The following ARHGEF39 variants were observed in gnomAD, a reference collection of about 807,000 sequenced individuals.
ARHGEF39 encodes Rho guanine nucleotide exchange factor 39.
A neutral mutation model predicts 47.5 loss-of-function variants in ARHGEF39; 45 were observed. The ratio of observed to expected loss-of-function variants is 0.95; its 90% confidence interval spans 0.75 to 1.22. The LOEUF (loss-of-function observed/expected upper bound fraction) is 1.22, where lower values mean the gene tolerates loss of function less well. Among genes scored for constraint, ARHGEF39 ranks in the 50% most tolerant of loss-of-function variants. The pLI, the probability that ARHGEF39 is intolerant of heterozygous loss-of-function variation, is 0.00. For missense variants in ARHGEF39, 411 were observed against 425.3 expected, an observed-to-expected ratio of 0.97 and a Z score of 0.30; for synonymous variants, 164 against 167.8, an observed-to-expected ratio of 0.98 and a Z score of 0.17.
At chr9:35,664,686 T>C in intron 2 of ARHGEF39, 70 bp downstream of exon 2, 1 of 1,527,760 alleles carries the variant, frequency 6.5e-7, no homozygotes, top group African/African-American at 1.4e-5. Flanking sequence ...TAAGTCTGAC[T>C]CCAAGCTCTG....
Position 35,662,224 on chromosome 9 carries a change from T to C in ARHGEF39, c.947A>G (p.Gln316Arg). 1 of 1,614,172 alleles carries C rather than the reference T, an allele frequency of 6.2e-7. No individual in the cohort carries two copies. Among genetic ancestry groups the C allele is most frequent in the Non-Finnish European group, 8.5e-7 (1 of 1,180,022 alleles). Reference sequence around the variant, plus strand: ...GTGGTACCAGCGTGACAGCTCCTCCTGGTCTGTGGACATAAGCAGTAGCTT... The same window carrying C: ...GTGGTACCAGCGTGACAGCTCCTCCCGGTCTGTGGACATAAGCAGTAGCTT... ...HEKLLLMSTDQEELSRWYHSL... is the reference protein window; with the variant it reads ...HEKLLLMSTDREELSRWYHSL... The change falls in exon 8 of 9, where the codon CAG becomes CGG. Residue 316 changes from glutamine to arginine, a missense_variant. Physicochemically the swap from Gln to Arg is conservative, Grantham distance 43. Coordinates refer to ENST00000378387, the MANE Select transcript of ARHGEF39 (RefSeq NM_032818.3).
rs758629153 is a variant in ARHGEF39 at position 35,664,087 on chromosome 9, G to A, written c.394C>T (p.Arg132Trp). 3.1e-6 allele frequency: 5 copies of A among 1,614,116 alleles called. No individual in the cohort carries two copies. Among genetic ancestry groups the A allele is most frequent in the African/African-American group, 1.3e-5 (1 of 75,038 alleles). The change falls in exon 4 of 9, where the codon CGG becomes TGG. Residue 132 changes from arginine (R) to tryptophan (W), a missense_variant. Arg to Trp is a moderately radical substitution (Grantham distance 101). Transcript: ENST00000378387. Reference protein sequence around the residue: ...KKNKGFRRFVRLQEGRPEFGG... With the variant: ...KKNKGFRRFVWLQEGRPEFGG... ...AACTCAGGGCGGCCTTCCTGAAGCC[G>A]TACAAACCTCCGGAAACCTTTATTT... is the stretch of plus-strand genomic sequence containing the variant.
Position 35,661,937 on chromosome 9 carries a change from C to T in ARHGEF39, c.*50G>A, listed in dbSNP as rs764672860. 1.3e-5 allele frequency: 21 copies of T among 1,591,532 alleles called. No individual in the cohort carries two copies. The East Asian group carries it at 4.0e-4, about 30-fold the overall frequency. On this transcript the variant is annotated 3_prime_UTR_variant, in exon 9 of 9. Transcript: ENST00000378387. ...ACTGAAGATTCCTTTGTACTCTTGG[C>T]TGTGACCTATCCCTGAGGTATCCTG...
rs749430166 is a variant in ARHGEF39 at position 35,661,185 on chromosome 9, T to C, written c.*802A>G. ...TCGACTAAAACAAAGTCTGTTTTCA[T>C]GATGGAGTGCTCCTGTGTGTTTTTT... is the stretch of plus-strand genomic sequence containing the variant. On this transcript the variant is annotated 3_prime_UTR_variant, in exon 9 of 9. Transcript: ENST00000378387. The C allele has an allele frequency of 1.9e-6, 3 of 1,590,508 alleles. No homozygotes were observed. The highest frequency in any genetic ancestry group is 3.4e-5 in the Admixed American group (2 of 58,376).
At position 35,660,680 on chromosome 9, in the gene ARHGEF39, G is replaced by C; in HGVS notation, c.*1307C>G. ...GAGCAATGATTCTGTGAATTTTTGG[G>C]GAATTTGTGGCAGGAGGGAGGAATG... On this transcript the variant is annotated 3_prime_UTR_variant, in exon 9 of 9. Transcript: ENST00000378387. 1 of 1,614,020 alleles carries C rather than the reference G, an allele frequency of 6.2e-7. No homozygotes were observed. Among genetic ancestry groups the C allele is most frequent in the Non-Finnish European group, 8.5e-7 (1 of 1,179,914 alleles).
intron 4 of ARHGEF39, 135 bp downstream of exon 4, chr9:35,663,873 A>G (rs1824101538): frequency 1.1e-6 from 1 of 909,132 alleles, no homozygotes; most frequent in Admixed American, 2.1e-5. Flanking sequence ...TTACTCTTGC[A>G]AAAGGTTTTT....
rs1351560201 is a variant in ARHGEF39 at position 35,660,136 on chromosome 9, C to T, written c.*1851G>A. 1 of 373,272 alleles carries T rather than the reference C, an allele frequency of 2.7e-6. No homozygotes were observed. Among genetic ancestry groups the T allele is most frequent in the African/African-American group, 2.1e-5 (1 of 47,810 alleles). 23.1% of individuals were successfully genotyped at this position (373,272 alleles called of 1,614,324 possible). A position where few individuals can be genotyped will look rare whatever the true frequency, so the allele number is the denominator to read the frequency against. On this transcript the variant is annotated 3_prime_UTR_variant, in exon 9 of 9. Transcript: ENST00000378387. Reference sequence around the variant, plus strand: ...CTGGGATTACAGGTGTGAGCCACAGCACTCAGCCACCAGAGCTTTTTTCAA... The same window carrying T: ...CTGGGATTACAGGTGTGAGCCACAGTACTCAGCCACCAGAGCTTTTTTCAA...
chr9:35,662,791 A>G (rs535364985), intron 6 of ARHGEF39, 50 bp from the exon 7 acceptor site: 19 of 1,526,340 alleles, frequency 1.2e-5, no homozygotes, highest in African/African-American at 2.8e-5. Context: ...GATACATGGG[A>G]ATAAGAGGAA....
chr9:35,662,982 G>C lies in ARHGEF39; in HGVS notation c.637C>G (p.Leu213Val). The C allele has an allele frequency of 6.2e-7, 1 of 1,610,106 alleles. No individual in the cohort carries two copies. The highest frequency in any genetic ancestry group is 8.5e-7 in the Non-Finnish European group (1 of 1,176,884). The change falls in exon 6 of 9, where the codon CTG becomes GTG. Residue 213 changes from leucine to valine, a missense_variant. Physicochemically the swap from Leu to Val is conservative, Grantham distance 32. Transcript: ENST00000378387. ...CCCTTTGCCTGGCGTCCACTGAGCAGAGCCTGGACACGCCGAAGGTGCTGG... is the reference window on the plus strand; with the variant it reads ...CCCTTTGCCTGGCGTCCACTGAGCACAGCCTGGACACGCCGAAGGTGCTGG... ...NDQHLRRVQA[L>V]LSGRQAKGLT...
rs770497181 is a variant in ARHGEF39, at chr9:35,660,917, A to G, written c.*1070T>C. On this transcript the variant is annotated 3_prime_UTR_variant, in exon 9 of 9. Coordinates refer to ENST00000378387, the MANE Select transcript of ARHGEF39 (RefSeq NM_032818.3). ...GAGACAAAGTCTCTGAAACTGGAAC[A>G]TTCCTGATCTCTCCCCACACAGAGG... is the stretch of plus-strand genomic sequence containing the variant. 6.2e-7 allele frequency: 1 copy of G among 1,614,188 alleles called. No homozygotes were observed. The highest frequency in any genetic ancestry group is 1.7e-5 in the Admixed American group (1 of 60,024).
chr9:35,662,646 TGAGGAGCACATCAGTGAA>T lies in ARHGEF39; in HGVS notation c.751_768del (p.Phe251_Leu256del). On this transcript the variant is annotated inframe_deletion, in exon 7 of 9. Transcript: ENST00000378387. The stretch of plus-strand genomic sequence containing the variant: ...TGCAGTGGAGGCCGAGGCTTGGCCA[TGAGGAGCACATCAGTGAA>T]GAGGAAGAACATGCGGGGCCGAGGC... 3 of 1,612,840 alleles carry T rather than the reference TGAGGAGCACATCAGTGAA, an allele frequency of 1.9e-6. No homozygotes were observed. Among genetic ancestry groups the T allele is most frequent in the Non-Finnish European group, 2.5e-6 (3 of 1,179,492 alleles).
Position 35,662,325 on chromosome 9 carries a change from C to T in ARHGEF39, c.904-58G>A. ...AGAAAGGTCCAGGCTAAAGCTGAAG[C>T]CCTTGCTGTTTCCATGGAGCTAATT... On this transcript the variant is annotated intron_variant, in intron 7 of 8. Coordinates refer to ENST00000378387, the MANE Select transcript of ARHGEF39 (RefSeq NM_032818.3). 6 of 1,543,378 alleles carry T rather than the reference C, an allele frequency of 3.9e-6. No homozygotes were observed. The Admixed American group carries it at 1.0e-4, about 26-fold the overall frequency.
chr9:35,660,226 G>A lies in ARHGEF39; in HGVS notation c.*1761C>T, dbSNP rs547036236. ...ACTGACCATGTGTGGGACATAGGAC[G>A]TCGCTTCATATGCTGGGTGAGGAGC... is the stretch of plus-strand genomic sequence containing the variant. On this transcript the variant is annotated 3_prime_UTR_variant, in exon 9 of 9. Transcript: ENST00000378387. The A allele has an allele frequency of 6.9e-6, 4 of 581,880 alleles. No homozygotes were observed. The highest frequency in any genetic ancestry group is 1.9e-5 in the African/African-American group (1 of 53,326). The allele number at this position is 581,880 out of a possible 1,614,324, so 36.0% of individuals were successfully genotyped here.
In ARHGEF39 at chr9:35,660,712, T is replaced by C. The variant is rs561444311; in HGVS notation, c.*1275A>G. On this transcript the variant is annotated 3_prime_UTR_variant, in exon 9 of 9. Transcript: ENST00000378387. ...GTGGCAGGAGGGAGGAATGGGGACA[T>C]AGGTTGGGAGCCACTGAGTGGACAT... is the stretch of plus-strand genomic sequence containing the variant. 9.3e-6 allele frequency: 15 copies of C among 1,613,578 alleles called. No individual in the cohort carries two copies. Among genetic ancestry groups the C allele is most frequent in the East Asian group, 6.7e-5 (3 of 44,868 alleles).
Position 35,661,439 on chromosome 9 carries a change from CA to C in ARHGEF39, c.*547del, listed in dbSNP as rs1020693751. ...AAAACTGAGACAGAAGGGTCTTTCC[CA>C]AAAAAAAGAAAAAAAACTTTACTCA... On this transcript the variant is annotated 3_prime_UTR_variant, in exon 9 of 9. Transcript: ENST00000378387. 1.6e-5 allele frequency: 7 copies of C among 442,070 alleles called. No homozygotes were observed. Among genetic ancestry groups the C allele is most frequent in the South Asian group, 6.4e-5 (1 of 15,578 alleles). 27.4% of individuals were successfully genotyped at this position (442,070 alleles called of 1,614,324 possible).
intron 2 of ARHGEF39, 36 bp downstream of exon 2, chr9:35,664,720 T>G (rs370193476): frequency 1.3e-6 from 2 of 1,588,382 alleles, no homozygotes; most frequent in African/African-American, 2.7e-5. Flanking sequence ...GCCAGGACTC[T>G]CCCTCCTTTC....
Position 35,665,126 on chromosome 9 carries a change from T to G in ARHGEF39, c.44A>C (p.Gln15Pro). ...GCGTTTCCGCTCCCAGCGGGCACGCTGCTCTTGCACCGGGCACCGCGAACC... is the reference window on the plus strand; with the variant it reads ...GCGTTTCCGCTCCCAGCGGGCACGCGGCTCTTGCACCGGGCACCGCGAACC... ...CPGSRCPVQE[Q>P]RARWERKRAC... The change falls in exon 1 of 9, where the codon CAG becomes CCG. Residue 15 changes from glutamine to proline, a missense_variant. By Grantham distance (76) the Gln-to-Pro change is moderately conservative. Coordinates refer to ENST00000378387, the MANE Select transcript of ARHGEF39 (RefSeq NM_032818.3). 6.5e-7 allele frequency: 1 copy of G among 1,547,662 alleles called. No homozygotes were observed. The highest frequency in any genetic ancestry group is 8.7e-7 in the Non-Finnish European group (1 of 1,146,274).
In ARHGEF39 at chr9:35,660,806, C is replaced by A. The variant is rs769419069; in HGVS notation, c.*1181G>T. Reference sequence around the variant, plus strand: ...TGAACATGAAGCTATGGACCATCCACGAGCTGCTGCAAGATAGCAAGCCGG... The same window carrying A: ...TGAACATGAAGCTATGGACCATCCAAGAGCTGCTGCAAGATAGCAAGCCGG... On this transcript the variant is annotated 3_prime_UTR_variant, in exon 9 of 9. Transcript: ENST00000378387. 15 of 1,614,146 alleles carry A rather than the reference C, an allele frequency of 9.3e-6. No individual in the cohort carries two copies. The South Asian group carries it at 1.5e-4, about 17-fold the overall frequency.
In ARHGEF39 at chr9:35,661,928, T is replaced by C; in HGVS notation, c.*59A>G. On this transcript the variant is annotated 3_prime_UTR_variant, in exon 9 of 9. Coordinates refer to ENST00000378387, the MANE Select transcript of ARHGEF39 (RefSeq NM_032818.3). ...TTGTTCAGTACTGAAGATTCCTTTG[T>C]ACTCTTGGCTGTGACCTATCCCTGA... The C allele has an allele frequency of 1.3e-6, 2 of 1,567,190 alleles. No homozygotes were observed. Among genetic ancestry groups the C allele is most frequent in the South Asian group, 2.3e-5 (2 of 87,358 alleles).
Sources: allele counts gnomAD v4.1 joint callset, GRCh38; gene constraint gnomAD v4.1.1; transcripts MANE v1.5; gene names NCBI Gene and HGNC (gene_info 2026-07-23, HGNC 2026-07-21).